SIN3B: variants seen among roughly 807,000 people sequenced by gnomAD.
The protein encoded by SIN3B is SIN3 transcription regulator family member B.
Under a neutral mutation model 120.2 loss-of-function variants are expected in SIN3B, and 19 were observed. That is an observed-to-expected ratio of 0.16 (90% CI 0.11 to 0.23). SIN3B has a LOEUF of 0.23. Among genes scored for constraint, SIN3B ranks in the 10% least tolerant of loss-of-function variants. The pLI, the probability that SIN3B is intolerant of heterozygous loss-of-function variation, is 1.00. For synonymous variants in SIN3B, 654 were observed against 653.2 expected (o/e 1.00, Z -0.02); for missense variants, 1,073 against 1,573.0 (o/e 0.68, Z 5.38).
chr19:16,839,043 G>A lies in SIN3B; in HGVS notation c.382-2725G>A, dbSNP rs958614503. On this transcript the variant is annotated intron_variant, in intron 3 of 18. Transcript: ENST00000248054. ...GGCTGGAGTGCGGTGGTGCATTGTC[G>A]GCTCACCACAACCCCCTGGGTTCAA... is the stretch of plus-strand genomic sequence containing the variant. Among the ~76,000 whole-genome samples, 7 of 141,918 alleles carry A rather than the reference G, an allele frequency of 4.9e-5. No homozygotes were observed. The South Asian group carries it at 8.8e-4, about 18-fold the overall frequency. 93.1% of individuals were successfully genotyped at this position (141,918 alleles called of 152,430 possible). A position where few individuals can be genotyped will look rare whatever the true frequency, so the allele number is the denominator to read the frequency against.
intron 4 of SIN3B, among the ~76,000 whole-genome samples, chr19:16,846,735 C>G (rs1202947202): frequency 6.6e-6 from 1 of 152,240 alleles, no homozygotes; most frequent in Admixed American, 6.5e-5. Flanking sequence ...CCTGCCCCCT[C>G]TGTTCGTGGA....
At position 16,865,524 on chromosome 19, in the gene SIN3B, C is replaced by T. The variant is rs1238344681; in HGVS notation, c.1498C>T (p.Leu500=). 1 of 1,613,814 alleles carries T rather than the reference C, an allele frequency of 6.2e-7. No individual in the cohort carries two copies. Among genetic ancestry groups the T allele is most frequent in the East Asian group, 2.2e-5 (1 of 44,856 alleles). Residue 500 remains leucine (L), a synonymous_variant, in exon 11 of 19, where the codon CTG becomes TTG. Transcript: ENST00000248054. ...GGAGAAGTTCCGGCTGGACGACTCC[C>T]TGGGAGGCACGTCGGAGGTGATCCA... ...DQEKFRLDDS[L]GGTSEVIQRR...
chr19:16,848,110 TTC>T (rs1268259465), intron 5 of SIN3B, among the ~76,000 whole-genome samples: 3 of 152,230 alleles, frequency 2.0e-5, no homozygotes, highest in African/African-American at 7.2e-5. Context: ...CTGAATCATA[TTC>T]TGTTAGATGG....
intron 4 of SIN3B, among the ~76,000 whole-genome samples, chr19:16,845,737 T>C (rs1437801848): frequency 6.6e-6 from 1 of 151,982 alleles, no homozygotes; most frequent in African/African-American, 2.4e-5. Flanking sequence ...TTTATTTATT[T>C]TAGATAGGAT....
chr19:16,862,793 C>A lies in SIN3B; in HGVS notation c.1266+234C>A. Reference sequence around the variant, plus strand: ...AGAGTGCCAGGGATAACGTGGAGTTCGGCTTATTCATCTGTTATTTGACTT... The same window carrying A: ...AGAGTGCCAGGGATAACGTGGAGTTAGGCTTATTCATCTGTTATTTGACTT... On this transcript the variant is annotated intron_variant, in intron 9 of 18. Transcript: ENST00000248054. The surrounding 1 kb of genome is among the most constrained non-coding windows in gnomAD (Gnocchi z 4.7). 1.8e-6 allele frequency: 2 copies of A among 1,109,716 alleles called. No individual in the cohort carries two copies. The highest frequency in any genetic ancestry group is 2.6e-5 in the South Asian group (2 of 76,652). 68.7% of individuals were successfully genotyped at this position (1,109,716 alleles called of 1,614,324 possible).
chr19:16,864,421 C>A (rs1281701540), intron 10 of SIN3B, among the ~76,000 whole-genome samples: 2 of 151,962 alleles, frequency 1.3e-5, no homozygotes, highest in African/African-American at 4.8e-5. Flanking sequence ...CTTGACCTCC[C>A]AGGCTCAAAT....
At chr19:16,829,612 G>A in intron 1 of SIN3B, 72 bp downstream of exon 1, 1 of 1,224,752 alleles carries the variant, frequency 8.2e-7, no homozygotes, top group Non-Finnish European at 1.0e-6. Flanking sequence ...CCTCACCCAG[G>A]CCCCGCCCGG....
intron 14 of SIN3B, chr19:16,872,447 CT>C (rs1047435884): frequency 2.1e-3 from 297 of 144,110 alleles, no homozygotes; most frequent in Middle Eastern, 3.6e-3. Context: ...TCTTCTTCTT[CT>C]TTTTTTTTTT....
At chr19:16,854,418 T>G in intron 8 of SIN3B, 157 bp downstream of exon 8, 1 of 586,544 alleles carries the variant, frequency 1.7e-6, no homozygotes, top group Non-Finnish European at 3.0e-6. Context: ...TCCCATGCAT[T>G]TGTAAGGAGC....
intron 3 of SIN3B, among the ~76,000 whole-genome samples, chr19:16,832,672 T>C (rs1393367744): frequency 6.6e-6 from 1 of 151,926 alleles, no homozygotes; most frequent in African/African-American, 2.4e-5. Context: ...AGCTAATTTA[T>C]TTATTTTTTT....
intron 8 of SIN3B, among the ~76,000 whole-genome samples, chr19:16,859,337 T>A (rs1336227812): frequency 1.3e-5 from 2 of 152,104 alleles, no homozygotes; most frequent in Non-Finnish European, 2.9e-5. Flanking sequence ...TTTTTTTTTT[T>A]AACTCAGCAT....
intron 8 of SIN3B, among the ~76,000 whole-genome samples, chr19:16,859,195 T>C (rs1205025092): frequency 1.3e-5 from 2 of 152,096 alleles, no homozygotes; most frequent in African/African-American, 2.4e-5. Flanking sequence ...CCCTCTAACT[T>C]ACTCTAGGAC....
rs1971684197 is a variant in SIN3B at position 16,861,283 on chromosome 19, C to G, written c.1059-1069C>G. Among the ~76,000 whole-genome samples the G allele has an allele frequency of 2.6e-5, 4 of 152,162 alleles. No homozygotes were observed. In the South Asian group the frequency reaches 6.2e-4, roughly 24 times the overall value. ...CAAACCCCTCTTGTGCAGGCAGCCA[C>G]AGGCAGTGCGTACACAAGTGGATGT... On this transcript the variant is annotated intron_variant, in intron 8 of 18. Coordinates refer to ENST00000248054, the MANE Select transcript of SIN3B (RefSeq NM_001297595.2).
chr19:16,860,942 G>T (rs903864272), intron 8 of SIN3B, among the ~76,000 whole-genome samples: 7 of 152,074 alleles, frequency 4.6e-5, no homozygotes, highest in African/African-American at 1.7e-4. Flanking sequence ...TAGAGACGGG[G>T]TCCTGCTCTG....
At chr19:16,844,211 T>C (rs545048223) in intron 4 of SIN3B, 1 of 152,374 alleles carries the variant, frequency 6.6e-6, no homozygotes, top group African/African-American at 2.4e-5. Context: ...TTTTTTCAAA[T>C]GTAAGTTTGA....
intron 8 of SIN3B, among the ~76,000 whole-genome samples, chr19:16,856,049 C>A (rs1190137683): frequency 6.6e-6 from 1 of 151,934 alleles, no homozygotes; most frequent in African/African-American, 2.4e-5. Flanking sequence ...AGAGTGAGAC[C>A]CTGTATCCAA....
At chr19:16,850,633 G>A (rs555660748) in intron 5 of SIN3B, among the ~76,000 whole-genome samples, 3 of 152,134 alleles carry the variant, frequency 2.0e-5, no homozygotes, top group Non-Finnish European at 2.9e-5. Context: ...GGAAGGCGGA[G>A]TACGATGGAG....
chr19:16,873,234 C>T lies in SIN3B; in HGVS notation c.2592+1836C>T, dbSNP rs117679803. Among the ~76,000 whole-genome samples, 1,053 of 152,206 alleles carry T rather than the reference C, an allele frequency of 6.9e-3. 5 individuals are homozygous for T. Among genetic ancestry groups the T allele is most frequent in the Non-Finnish European group, 0.012 (801 of 68,010 alleles). On this transcript the variant is annotated intron_variant, in intron 14 of 18. Coordinates refer to ENST00000248054, the MANE Select transcript of SIN3B (RefSeq NM_001297595.2). ...CATGGAAAGCTATCCACGGTGTTTGCGCCTGTTTCCGTTGCGTCTGCCTTG... is the reference window on the plus strand; with the variant it reads ...CATGGAAAGCTATCCACGGTGTTTGTGCCTGTTTCCGTTGCGTCTGCCTTG...
intron 8 of SIN3B, among the ~76,000 whole-genome samples, chr19:16,857,545 G>GTA (rs1971632826): frequency 7.0e-6 from 1 of 143,592 alleles, no homozygotes; most frequent in Non-Finnish European, 1.5e-5. Context: ...GTGTGTGTGT[G>GTA]TGTGTGTGTA....
Sources: allele counts gnomAD v4.1 joint callset (sites outside exome capture counted in the v4.1 genomes callset), GRCh38; gene constraint gnomAD v4.1.1; non-coding constraint Gnocchi (gnomAD v3.1); transcripts MANE v1.5; gene names NCBI Gene and HGNC (gene_info 2026-07-23, HGNC 2026-07-21).